NKAIN2: variants seen among roughly 807,000 people sequenced by gnomAD.
NKAIN2 encodes sodium/potassium transporting ATPase interacting 2.
Under a neutral mutation model 32.6 loss-of-function variants are expected in NKAIN2, and 14 were observed. The ratio of observed to expected loss-of-function variants is 0.43; its 90% CI spans 0.28 to 0.67. The LOEUF is 0.67. Among genes scored for constraint, NKAIN2 ranks in the 30% least tolerant of loss-of-function variants. NKAIN2 has a pLI of 0.17. For missense variants in NKAIN2, 198 were observed against 258.3 expected (o/e 0.77, Z 1.60); for synonymous variants, 80 against 87.2 (o/e 0.92, Z 0.46).
chr6:123,841,771 A>G (rs77711642), intron 1 of NKAIN2, among the ~76,000 whole-genome samples: 101 of 152,302 alleles, frequency 6.6e-4, no homozygotes, highest in African/African-American at 2.3e-3. Flanking sequence ...TTCATCAGCA[A>G]AAGGAAAACC....
chr6:124,714,669 A>G (rs77275440), intron 4 of NKAIN2, among the ~76,000 whole-genome samples: 6,572 of 152,242 alleles, frequency 0.043, 162 homozygotes, highest in East Asian at 0.079. Context: ...GTACTTACAG[A>G]TCTAATTTTC....
intron 1 of NKAIN2, among the ~76,000 whole-genome samples, chr6:123,930,317 T>C (rs893979839): frequency 3.3e-5 from 5 of 152,152 alleles, no homozygotes; most frequent in African/African-American, 1.2e-4. Context: ...TAGGATTTAG[T>C]TGGAATTTTT....
intron 1 of NKAIN2, among the ~76,000 whole-genome samples, chr6:124,262,356 T>G (rs1794293393): frequency 2.6e-5 from 4 of 152,136 alleles, no homozygotes; most frequent in Admixed American, 2.0e-4. Context: ...CTAAACAAGT[T>G]TAATCTGAGA....
rs1785083310 is a variant in NKAIN2 at position 124,105,642 on chromosome 6, T to C, written c.55-177363T>C. 2.0e-5 allele frequency among the ~76,000 whole-genome samples: 3 copies of C among 152,316 alleles called. 1 individual carries two copies. Among genetic ancestry groups the C allele is most frequent in the South Asian group, 4.1e-4 (2 of 4,824 alleles). The stretch of plus-strand genomic sequence containing the variant: ...TAAAAAGATGGATTTAAGGGGCTCA[T>C]AGCCAGTCATCTCCAGTGTTGTAAA... On this transcript the variant is annotated intron_variant, in intron 1 of 6. Transcript: ENST00000368417.
intron 1 of NKAIN2, among the ~76,000 whole-genome samples, chr6:123,976,336 TATATATGTTCCC>T (rs1390912805): frequency 0.014 from 418 of 29,574 alleles, 43 homozygotes; most frequent in African/African-American, 0.021. Flanking sequence ...TTCCCATATA[TATATATGTTCCC>T]ATATATATAT....
intron 4 of NKAIN2, among the ~76,000 whole-genome samples, chr6:124,695,744 G>A (rs1267724812): frequency 6.6e-6 from 1 of 152,130 alleles, no homozygotes; most frequent in Non-Finnish European, 1.5e-5. Context: ...TAAAGTAGGA[G>A]GGTTCAAAGA....
intron 1 of NKAIN2, among the ~76,000 whole-genome samples, chr6:123,894,263 T>A (rs2114386205): frequency 6.6e-6 from 1 of 152,330 alleles, no homozygotes; most frequent in East Asian, 1.9e-4. Flanking sequence ...AGCTGTTCAC[T>A]GTGGGTCAGC....
chr6:123,907,269 T>C (rs1774926712), intron 1 of NKAIN2, among the ~76,000 whole-genome samples: 2 of 152,180 alleles, frequency 1.3e-5, no homozygotes, highest in Non-Finnish European at 1.5e-5. Context: ...CAAGTTTTCC[T>C]ATATATTTTT....
chr6:124,472,878 A>G (rs1562206350), intron 3 of NKAIN2, among the ~76,000 whole-genome samples: 1 of 152,110 alleles, frequency 6.6e-6, no homozygotes, highest in African/African-American at 2.4e-5. Flanking sequence ...AAGAAAGAGA[A>G]TGTGTGTGCT....
chr6:123,974,233 T>G (rs952881776), intron 1 of NKAIN2, among the ~76,000 whole-genome samples: 1 of 152,180 alleles, frequency 6.6e-6, no homozygotes, highest in African/African-American at 2.4e-5. Context: ...CATTATACTT[T>G]CCAAAATTAG....
intron 1 of NKAIN2, among the ~76,000 whole-genome samples, chr6:123,822,057 G>C (rs1410233054): frequency 1.3e-5 from 2 of 152,126 alleles, no homozygotes; most frequent in East Asian, 3.9e-4. Context: ...ACCTTATGTG[G>C]AATTAAGAAC....
At chr6:123,874,908 C>T (rs1187381611) in intron 1 of NKAIN2, among the ~76,000 whole-genome samples, 3 of 134,762 alleles carry the variant, frequency 2.2e-5, no homozygotes, top group African/African-American at 8.9e-5. Flanking sequence ...TACATACATA[C>T]ATATATATAT....
At chr6:124,465,675 T>G (rs1172023096) in intron 3 of NKAIN2, among the ~76,000 whole-genome samples, 5 of 151,754 alleles carry the variant, frequency 3.3e-5, no homozygotes, top group Non-Finnish European at 7.4e-5. Flanking sequence ...AACCTCAATT[T>G]CTTTGTCTAT....
chr6:124,716,246 A>G (rs532896501), intron 4 of NKAIN2, among the ~76,000 whole-genome samples: 33 of 152,200 alleles, frequency 2.2e-4, no homozygotes, highest in Non-Finnish European at 3.4e-4. Context: ...TACTGCACCC[A>G]CCAACTTTGC....
At chr6:124,035,897 G>T (rs772581905) in intron 1 of NKAIN2, among the ~76,000 whole-genome samples, 4 of 152,130 alleles carry the variant, frequency 2.6e-5, no homozygotes, top group Non-Finnish European at 5.9e-5. Context: ...GGCAGGTCAA[G>T]TGTCCCAAGA....
intron 1 of NKAIN2, among the ~76,000 whole-genome samples, chr6:124,273,120 A>T (rs1049626163): frequency 1.2e-4 from 18 of 152,266 alleles, no homozygotes; most frequent in Non-Finnish European, 2.6e-4. Flanking sequence ...ACTGTTGGGA[A>T]GTCATGATCT....
At chr6:124,259,301 G>T (rs1173361568) in intron 1 of NKAIN2, among the ~76,000 whole-genome samples, 1 of 152,158 alleles carries the variant, frequency 6.6e-6, no homozygotes, top group Admixed American at 6.6e-5. Context: ...GCAGAGAGGG[G>T]TACAGAAACC....
intron 1 of NKAIN2, among the ~76,000 whole-genome samples, chr6:124,184,086 C>A (rs1025969724): frequency 6.6e-6 from 1 of 152,116 alleles, no homozygotes; most frequent in Non-Finnish European, 1.5e-5. Context: ...TGTCTCTTAT[C>A]TTTTAATGTT....
chr6:124,433,102 A>G (rs951796328), intron 3 of NKAIN2, among the ~76,000 whole-genome samples: 7 of 152,180 alleles, frequency 4.6e-5, no homozygotes, highest in Non-Finnish European at 8.8e-5. Context: ...GACTTTGGAG[A>G]AAACCTGGTA....
Sources: allele counts gnomAD v4.1 joint callset (sites outside exome capture counted in the v4.1 genomes callset), GRCh38; gene constraint gnomAD v4.1.1; transcripts MANE v1.5; gene names NCBI Gene and HGNC (gene_info 2026-07-23, HGNC 2026-07-21).